The following CCSER1 variants were observed in gnomAD, a reference collection of about 807,000 sequenced individuals.
CCSER1 encodes coiled-coil serine rich protein 1.
Under a neutral mutation model 82.0 loss-of-function variants are expected in CCSER1, and 41 were observed. That is an observed-to-expected ratio of 0.50 (90% confidence interval 0.39 to 0.65). The LOEUF (loss-of-function observed/expected upper bound fraction) is 0.65, where lower values mean the gene tolerates loss of function less well. CCSER1 is among the 30% of genes least tolerant of loss of function. The pLI is 0.00. For synonymous variants in CCSER1, 414 were observed against 383.9 expected (o/e 1.08, Z -0.92); for missense variants, 1,119 against 1,064.2 (o/e 1.05, Z -0.72).
At chr4:91,543,886 G>A (rs776871879) in intron 10 of CCSER1, among the ~76,000 whole-genome samples, 29 of 152,200 alleles carry the variant, frequency 1.9e-4, no homozygotes, top group Middle Eastern at 3.4e-3. Context: ...GATAATATCC[G>A]GCAGATTGTT....
chr4:90,601,207 C>G (rs79320061), intron 5 of CCSER1, among the ~76,000 whole-genome samples: 4,329 of 152,070 alleles, frequency 0.028, 121 homozygotes, highest in African/African-American at 0.068. Flanking sequence ...GCAGTGGAAA[C>G]AGCAGACATC....
rs180861444 is a variant in CCSER1, at chr4:90,849,719, G to A, written c.2094+33874G>A. 4.5e-3 allele frequency among the ~76,000 whole-genome samples: 672 copies of A among 150,948 alleles called. 8 individuals are homozygous for A. The highest frequency in any genetic ancestry group is 0.016 in the African/African-American group (646 of 40,988). On this transcript the variant is annotated intron_variant, in intron 8 of 10. Coordinates refer to ENST00000509176, the MANE Select transcript of CCSER1 (RefSeq NM_001145065.2). ...CAGGAGGATGGTGTGAACCCAGGAG[G>A]CAGAGCTTGCAGTGAGCCGTGATCG...
chr4:90,291,740 A>G (rs1730979803), intron 1 of CCSER1, among the ~76,000 whole-genome samples: 1 of 151,998 alleles, frequency 6.6e-6, no homozygotes, highest in Non-Finnish European at 1.5e-5. Flanking sequence ...TCAAAGAACA[A>G]TATAGGCAAT....
intron 10 of CCSER1, among the ~76,000 whole-genome samples, chr4:91,138,823 AAC>A: frequency 1.3e-5 from 2 of 151,898 alleles, no homozygotes; most frequent in African/African-American, 4.8e-5. Flanking sequence ...GCAGCCAAAA[AAC>A]ACATGAAAAA....
intron 1 of CCSER1, among the ~76,000 whole-genome samples, chr4:90,270,009 A>G (rs988567122): frequency 2.6e-5 from 4 of 152,070 alleles, no homozygotes; most frequent in Non-Finnish European, 4.4e-5. Context: ...AGAAACAAGT[A>G]ATGAGATTGA....
At chr4:91,345,538 GTAGT>G (rs1277644140) in intron 10 of CCSER1, among the ~76,000 whole-genome samples, 1 of 147,734 alleles carries the variant, frequency 6.8e-6, no homozygotes, top group African/African-American at 2.7e-5. Context: ...TATTTTTTGT[GTAGT>G]TATAATTTAT....
At chr4:90,149,094 T>C (rs1726343615) in intron 1 of CCSER1, among the ~76,000 whole-genome samples, 1 of 152,188 alleles carries the variant, frequency 6.6e-6, no homozygotes, top group Admixed American at 6.6e-5. Flanking sequence ...ATAACAGCTG[T>C]CAGTATTTAC....
At chr4:90,378,212 G>C (rs1025938951) in intron 3 of CCSER1, among the ~76,000 whole-genome samples, 1 of 152,106 alleles carries the variant, frequency 6.6e-6, no homozygotes, top group Non-Finnish European at 1.5e-5. Context: ...AAATGAAACA[G>C]CTATTTTTAG....
At chr4:90,355,882 T>C (rs1279739605) in intron 3 of CCSER1, among the ~76,000 whole-genome samples, 1 of 152,002 alleles carries the variant, frequency 6.6e-6, no homozygotes, top group Non-Finnish European at 1.5e-5. Context: ...TAAATTATTG[T>C]AAATATAAAT....
chr4:91,014,104 G>A (rs995709674), intron 9 of CCSER1, among the ~76,000 whole-genome samples: 2 of 133,116 alleles, frequency 1.5e-5, no homozygotes, highest in Non-Finnish European at 3.5e-5. Context: ...GGAAGAGTGA[G>A]ATTTTTAGGA....
intron 8 of CCSER1, among the ~76,000 whole-genome samples, chr4:90,828,669 C>A (rs912783315): frequency 2.6e-5 from 4 of 152,108 alleles, no homozygotes; most frequent in Non-Finnish European, 4.4e-5. Context: ...CCTGTGTGTT[C>A]CCTTTTTACT....
chr4:91,099,747 C>G (rs1035835445), intron 10 of CCSER1, among the ~76,000 whole-genome samples: 3 of 152,070 alleles, frequency 2.0e-5, no homozygotes, highest in Non-Finnish European at 4.4e-5. Flanking sequence ...ATCTAAAGAC[C>G]TGGGATGACA....
chr4:90,780,491 T>C (rs200776532), intron 7 of CCSER1: 11 of 1,612,432 alleles, frequency 6.8e-6, no homozygotes, highest in East Asian at 2.2e-5. Flanking sequence ...CAATTGAAGA[T>C]TGGGGTTCAG....
chr4:90,918,663 A>G (rs2150231193), intron 8 of CCSER1, among the ~76,000 whole-genome samples: 1 of 151,648 alleles, frequency 6.6e-6, no homozygotes, highest in East Asian at 1.9e-4. Context: ...ATTAGTAATA[A>G]AACTAAATTT....
chr4:91,277,742 TCTTG>T (rs1742596632), intron 10 of CCSER1, among the ~76,000 whole-genome samples: 1 of 151,904 alleles, frequency 6.6e-6, no homozygotes, highest in Non-Finnish European at 1.5e-5. Flanking sequence ...TTTGGTTTGT[TCTTG>T]CTTTTCTAAT....
chr4:91,176,726 C>T (rs924362649), intron 10 of CCSER1, among the ~76,000 whole-genome samples: 3 of 152,234 alleles, frequency 2.0e-5, no homozygotes, highest in Non-Finnish European at 1.5e-5. Context: ...TGGGCTGAGA[C>T]AATGGGATTT....
In CCSER1 at chr4:91,599,167, A is replaced by T; in HGVS notation, c.*110A>T. The T allele has an allele frequency of 7.6e-7, 1 of 1,321,184 alleles. No individual in the cohort carries two copies. 81.8% of individuals were successfully genotyped at this position (1,321,184 alleles called of 1,614,324 possible). On this transcript the variant is annotated 3_prime_UTR_variant, in exon 11 of 11. Transcript: ENST00000509176. Reference sequence around the variant, plus strand: ...TTTTTCTTACATTTTAGTTATAAACAGAGTTGTGTTGTTGGGTTTTTTTTC... The same window carrying T: ...TTTTTCTTACATTTTAGTTATAAACTGAGTTGTGTTGTTGGGTTTTTTTTC...
intron 10 of CCSER1, among the ~76,000 whole-genome samples, chr4:91,291,049 TA>T (rs1201795277): frequency 7.9e-5 from 12 of 151,594 alleles, no homozygotes; most frequent in African/African-American, 2.9e-4. Context: ...CACCTCTTAT[TA>T]AAATCAATTT....
At chr4:90,504,541 A>G (rs1002194331) in intron 5 of CCSER1, among the ~76,000 whole-genome samples, 5 of 152,198 alleles carry the variant, frequency 3.3e-5, no homozygotes, top group African/African-American at 9.6e-5. Context: ...CTGATTGCCT[A>G]AAAGACTGCC....
Sources: gnomAD v4.1 joint callset for allele counts (sites outside exome capture counted in the v4.1 genomes callset) on GRCh38, gnomAD v4.1.1 for gene constraint, MANE v1.5 for transcripts, NCBI Gene and HGNC (gene_info 2026-07-23, HGNC 2026-07-21) for gene names.